ANKRD6: variants seen among roughly 807,000 people sequenced by gnomAD.
The protein encoded by ANKRD6 is ankyrin repeat domain-containing protein 6.
Under a neutral mutation model 82.3 loss-of-function variants are expected in ANKRD6, and 56 were observed. That is an observed-to-expected ratio of 0.68 (90% CI 0.55 to 0.85). The LOEUF is 0.85. ANKRD6 is among the 40% of genes least tolerant of loss of function. The pLI is 0.00. For missense variants in ANKRD6, 852 were observed against 907.6 expected, an observed-to-expected ratio of 0.94 and a Z score of 0.79; for synonymous variants, 347 against 352.1, an observed-to-expected ratio of 0.99 and a Z score of 0.16.
chr6:89,556,158 C>T (rs1291403944), intron 1 of ANKRD6, among the ~76,000 whole-genome samples: 1 of 152,264 alleles, frequency 6.6e-6, no homozygotes, highest in Non-Finnish European at 1.5e-5. Context: ...TGCAGCTCAG[C>T]TGTCTGTTCT....
intron 5 of ANKRD6, among the ~76,000 whole-genome samples, chr6:89,608,368 C>CACACTATATATATATATATATATATA: frequency 9.9e-5 from 13 of 130,802 alleles, no homozygotes; most frequent in African/African-American, 4.0e-4. Context: ...CACACACACA[C>CACACTATATATATATATATATATATA]TATATATATA....
chr6:89,516,321 T>G (rs1180521348), intron 1 of ANKRD6, among the ~76,000 whole-genome samples: 1 of 152,152 alleles, frequency 6.6e-6, no homozygotes, highest in African/African-American at 2.4e-5. Flanking sequence ...AGCTGAGACA[T>G]CAATCTTCTG....
chr6:89,598,312 G>A lies in ANKRD6; in HGVS notation c.219+2298G>A, dbSNP rs182329176. 5.7e-5 allele frequency: 56 copies of A among 985,232 alleles called. No individual in the cohort carries two copies. The East Asian group carries it at 2.6e-3, about 46-fold the overall frequency. 61.0% of individuals were successfully genotyped at this position (985,232 alleles called of 1,614,324 possible). On this transcript the variant is annotated intron_variant, in intron 3 of 15. Coordinates refer to ENST00000339746, the MANE Select transcript of ANKRD6 (RefSeq NM_001242809.2). ...GTCAATGAGCAATCACATAGCTCCCGCCTCAGAAATAGTCCAGGATGCTGT... is the reference window on the plus strand; with the variant it reads ...GTCAATGAGCAATCACATAGCTCCCACCTCAGAAATAGTCCAGGATGCTGT...
At chr6:89,605,681 G>A (rs1488908126) in intron 4 of ANKRD6, among the ~76,000 whole-genome samples, 3 of 152,292 alleles carry the variant, frequency 2.0e-5, no homozygotes, top group Non-Finnish European at 2.9e-5. Flanking sequence ...TCTGTTAAAC[G>A]AGAGCTGTGG....
intron 1 of ANKRD6, among the ~76,000 whole-genome samples, chr6:89,538,389 A>G (rs1784099267): frequency 6.6e-6 from 1 of 152,190 alleles, no homozygotes; most frequent in Admixed American, 6.5e-5. Flanking sequence ...TGCAACATCC[A>G]AGCACATGAG....
intron 1 of ANKRD6, among the ~76,000 whole-genome samples, chr6:89,557,009 G>C (rs561675580): frequency 1.1e-3 from 165 of 152,234 alleles, no homozygotes; most frequent in Non-Finnish European, 1.6e-3. Flanking sequence ...TGTGGGATAG[G>C]GGGAAGGGGA....
intron 1 of ANKRD6, among the ~76,000 whole-genome samples, chr6:89,523,005 A>G (rs189902011): frequency 6.6e-6 from 1 of 152,234 alleles, no homozygotes; most frequent in Admixed American, 6.5e-5. Context: ...GTTGATGCAG[A>G]GATGATATTC....
intron 1 of ANKRD6, among the ~76,000 whole-genome samples, chr6:89,540,709 A>G (rs1784353019): frequency 6.6e-6 from 1 of 152,134 alleles, no homozygotes; most frequent in Admixed American, 6.5e-5. Context: ...GCCCAGACCA[A>G]TGTCCCAGAG....
intron 2 of ANKRD6, among the ~76,000 whole-genome samples, chr6:89,569,792 T>A (rs979041033): frequency 1.3e-5 from 2 of 152,232 alleles, no homozygotes; most frequent in East Asian, 3.8e-4. Context: ...TTTTCATAGT[T>A]ATCTTTAGCA....
At chr6:89,517,808 G>A (rs750524430) in intron 1 of ANKRD6, among the ~76,000 whole-genome samples, 3 of 152,206 alleles carry the variant, frequency 2.0e-5, no homozygotes, top group Admixed American at 6.5e-5. Flanking sequence ...TTTCCTAAGG[G>A]GGGGACTATG....
At chr6:89,527,481 C>G (rs1278521524) in intron 1 of ANKRD6, among the ~76,000 whole-genome samples, 2 of 151,104 alleles carry the variant, frequency 1.3e-5, no homozygotes, top group Non-Finnish European at 2.9e-5. Context: ...GTAATCCCAG[C>G]TACTTGGGAG....
chr6:89,609,673 G>T (rs973269728), intron 5 of ANKRD6, among the ~76,000 whole-genome samples: 1 of 147,706 alleles, frequency 6.8e-6, no homozygotes, highest in Non-Finnish European at 1.5e-5. Context: ...AGGCTGGAGC[G>T]CGATCTCGGC....
At chr6:89,478,817 A>G (rs1380188629) in intron 1 of ANKRD6, among the ~76,000 whole-genome samples, 1 of 151,892 alleles carries the variant, frequency 6.6e-6, no homozygotes, top group African/African-American at 2.4e-5. Context: ...AAAAGAAATG[A>G]GACATACATA....
At chr6:89,518,094 A>G (rs1781438766) in intron 1 of ANKRD6, among the ~76,000 whole-genome samples, 1 of 152,236 alleles carries the variant, frequency 6.6e-6, no homozygotes, top group African/African-American at 2.4e-5. Context: ...ACAGACAACC[A>G]AATAATCATA....
At position 89,442,981 on chromosome 6, in the gene ANKRD6, T is replaced by C. The variant is rs186701644; in HGVS notation, c.-144+9606T>C. On this transcript the variant is annotated intron_variant, in intron 1 of 15. Transcript: ENST00000339746. ...TAGAGACTCTTTGCAGAAGCAATTT[T>C]CCCCCCACAAAAGATGGCTTTGTAG... 2.4e-3 allele frequency among the ~76,000 whole-genome samples: 363 copies of C among 152,214 alleles called. 1 individual carries two copies. The highest frequency in any genetic ancestry group is 8.3e-3 in the African/African-American group (344 of 41,530).
At position 89,596,063 on chromosome 6, in the gene ANKRD6, T is replaced by C. The variant is rs769402834; in HGVS notation, c.219+49T>C. 83 of 1,505,406 alleles carry C rather than the reference T, an allele frequency of 5.5e-5. No individual in the cohort carries two copies. In the East Asian group the frequency reaches 1.8e-3, roughly 32 times the overall value. The allele number at this position is 1,505,406 out of a possible 1,614,324, so 93.3% of individuals were successfully genotyped here. On this transcript the variant is annotated intron_variant, in intron 3 of 15. Coordinates refer to ENST00000339746, the MANE Select transcript of ANKRD6 (RefSeq NM_001242809.2). ...CAGGCTGAGTTGGCAGGGGAGGTTT[T>C]CTGGCTAGAAATCCACAAAGTGTAA...
chr6:89,611,998 A>G lies in ANKRD6; in HGVS notation c.418-274A>G, dbSNP rs184734109. 9.2e-5 allele frequency among the ~76,000 whole-genome samples: 14 copies of G among 152,328 alleles called. No individual in the cohort carries two copies. In the East Asian group the frequency reaches 2.7e-3, roughly 29 times the overall value. On this transcript the variant is annotated intron_variant, in intron 5 of 15. Transcript: ENST00000339746. ...TCATGCTCCATTTCCCAGGTAAGGA[A>G]TTTGAGCATTTGAAAAGGCTGGCTT...
chr6:89,630,948 A>C lies in ANKRD6; in HGVS notation c.2128A>C (p.Lys710Gln). 1 of 1,599,146 alleles carries C rather than the reference A, an allele frequency of 6.3e-7. No individual in the cohort carries two copies. Among genetic ancestry groups the C allele is most frequent in the Non-Finnish European group, 8.5e-7 (1 of 1,172,930 alleles). The change falls in exon 16 of 16, where the codon AAA becomes CAA. Residue 710 changes from lysine to glutamine, a missense_variant. Coordinates refer to ENST00000339746, the MANE Select transcript of ANKRD6 (RefSeq NM_001242809.2). ...TAAGGCTACATTGAAGGAACACATT[A>C]AAAGTTTAGAAGAGGAACTTGCCAA... ...QDKATLKEHI[K>Q]SLEEELAKLR...
At chr6:89,436,057 T>A (rs1417513141) in intron 1 of ANKRD6, among the ~76,000 whole-genome samples, 5 of 152,222 alleles carry the variant, frequency 3.3e-5, no homozygotes, top group African/African-American at 7.2e-5. Flanking sequence ...TAGTTAGTAA[T>A]TTTTTCACAA....
Sources: allele counts gnomAD v4.1 joint callset (sites outside exome capture counted in the v4.1 genomes callset), GRCh38; gene constraint gnomAD v4.1.1; transcripts MANE v1.5; gene names NCBI Gene and HGNC (gene_info 2026-07-23, HGNC 2026-07-21).